CORO2B: variants seen among roughly 807,000 people sequenced by gnomAD.
CORO2B encodes coronin 2B.
A neutral mutation model predicts 58.8 loss-of-function variants in CORO2B; 26 were observed. That is an observed-to-expected ratio of 0.44 (90% CI 0.32 to 0.61). CORO2B has a LOEUF of 0.61. Ranked by LOEUF, CORO2B falls within the 20% of genes least tolerant of loss-of-function variation. The pLI is 0.04. For synonymous variants in CORO2B, 242 were observed against 253.8 expected, an observed-to-expected ratio of 0.95 and a Z score of 0.44; for missense variants, 460 against 645.1, an observed-to-expected ratio of 0.71 and a Z score of 3.11.
intron 1 of CORO2B, among the ~76,000 whole-genome samples, chr15:68,637,411 C>T (rs1230703538): frequency 6.6e-6 from 1 of 152,206 alleles, no homozygotes. Flanking sequence ...GATCAGCTCT[C>T]GCTCACGACC....
At chr15:68,545,750 G>A in the CORO2B span, among the ~76,000 whole-genome samples, 1 of 152,304 alleles carries the variant, frequency 6.6e-6, no homozygotes, top group East Asian at 1.9e-4. Context: ...ATGCTGTAGG[G>A]GGAAGAGCTG....
chr15:68,695,111 T>TTC lies in CORO2B; in HGVS notation c.217-15_217-14dup, dbSNP rs149581487. On this transcript the variant is annotated intron_variant, in intron 2 of 11. Coordinates refer to ENST00000261861, the MANE Select transcript of CORO2B (RefSeq NM_006091.5). ...CCCCAGGGCCATCAAACTAATCTCC[T>TTC]TCTCTCTCTCTCTCTTTCTCCTCTG... The TTC allele has an allele frequency of 5.5e-3, 8,372 of 1,514,956 alleles. 14 individuals are homozygous for TTC. Among genetic ancestry groups the TTC allele is most frequent in the Non-Finnish European group, 6.6e-3 (7,226 of 1,097,266 alleles). The allele number at this position is 1,514,956 out of a possible 1,614,324, so 93.8% of individuals were successfully genotyped here. A position where few individuals can be genotyped will look rare whatever the true frequency, so the allele number is the denominator to read the frequency against.
intron 11 of CORO2B, among the ~76,000 whole-genome samples, chr15:68,721,434 C>T (rs1033213845): frequency 6.6e-6 from 1 of 152,030 alleles, no homozygotes; most frequent in African/African-American, 2.4e-5. Context: ...GGCTGGGCGC[C>T]GTAGCTCATG....
At chr15:68,596,437 C>T (rs16952287) in intron 1 of CORO2B, among the ~76,000 whole-genome samples, 54,631 of 150,318 alleles carry the variant, frequency 0.36, 10,193 homozygotes, top group South Asian at 0.54. Context: ...CTAGGGGGAT[C>T]TTTCTGGCTG....
At chr15:68,695,090 AG>A in intron 2 of CORO2B, 49 bp from the exon 3 acceptor site, 2 of 1,442,754 alleles carry the variant, frequency 1.4e-6, no homozygotes, top group Non-Finnish European at 1.9e-6. Flanking sequence ...AGGCCACCCC[AG>A]GGCCATCAAA....
chr15:68,541,713 G>A, the CORO2B span, among the ~76,000 whole-genome samples: 2 of 152,190 alleles, frequency 1.3e-5, no homozygotes, highest in Non-Finnish European at 2.9e-5. Context: ...TACTGGCCCC[G>A]CATGAGCTTC....
intron 2 of CORO2B, among the ~76,000 whole-genome samples, chr15:68,654,402 G>A (rs1901737652): frequency 6.6e-6 from 1 of 152,238 alleles, no homozygotes; most frequent in Non-Finnish European, 1.5e-5. Context: ...ATTCCTTGCA[G>A]AGCCAGGGAG....
the CORO2B span, among the ~76,000 whole-genome samples, chr15:68,531,323 A>G: frequency 4.7e-5 from 2 of 42,564 alleles, no homozygotes; most frequent in Non-Finnish European, 8.8e-5. Flanking sequence ...TCAACTAAAA[A>G]TACAAAAATA....
At chr15:68,559,723 C>T in the CORO2B span, 56 of 827,394 alleles carry the variant, frequency 6.8e-5, no homozygotes, top group Middle Eastern at 1.8e-3. The surrounding 1 kb of genome is among the most constrained non-coding windows in gnomAD (Gnocchi z 4.3). Flanking sequence ...GGGGGACTGT[C>T]GGTGAGGCTG....
intron 3 of CORO2B, among the ~76,000 whole-genome samples, chr15:68,697,172 A>AGATGGATGGATGGATTGTTGGATG (rs1480739829): frequency 1.3e-5 from 2 of 150,350 alleles, no homozygotes; most frequent in South Asian, 2.1e-4. Context: ...TTGGATGGAT[A>AGATGGATGGATGGATTGTTGGATG]GATGGATGGA....
upstream of CORO2B, among the ~76,000 whole-genome samples, chr15:68,575,346 T>TA (rs1899259284): frequency 6.6e-6 from 1 of 151,532 alleles, no homozygotes; most frequent in South Asian, 2.1e-4. Flanking sequence ...CTTTTTCTTT[T>TA]TTTTTTTTTT....
the CORO2B span, among the ~76,000 whole-genome samples, chr15:68,541,270 A>G: frequency 6.6e-6 from 1 of 152,084 alleles, no homozygotes; most frequent in African/African-American, 2.4e-5. Context: ...GATCTATTTA[A>G]CATCTTATAA....
chr15:68,703,476 G>A (rs1032945541), intron 3 of CORO2B, among the ~76,000 whole-genome samples: 2 of 152,094 alleles, frequency 1.3e-5, no homozygotes, highest in African/African-American at 4.8e-5. Context: ...ATACTGTCCT[G>A]TTCTTCCCCA....
chr15:68,686,039 T>G (rs1232976057), intron 2 of CORO2B, among the ~76,000 whole-genome samples: 4 of 132,390 alleles, frequency 3.0e-5, no homozygotes, highest in Non-Finnish European at 6.7e-5. Context: ...TTTTTTTTTC[T>G]TTTTTTTTTT....
chr15:68,643,252 G>A (rs1328929856), intron 1 of CORO2B, among the ~76,000 whole-genome samples: 1 of 152,126 alleles, frequency 6.6e-6, no homozygotes, highest in Non-Finnish European at 1.5e-5. Flanking sequence ...CCAGTGCTTG[G>A]GGAAGGGAGA....
At chr15:68,562,956 G>A in the CORO2B span, among the ~76,000 whole-genome samples, 7 of 140,220 alleles carry the variant, frequency 5.0e-5, no homozygotes, top group Non-Finnish European at 9.1e-5. Context: ...CAGCCTGGGC[G>A]ACAGAGCAAG....
Position 68,648,695 on chromosome 15 carries a change from A to C in CORO2B, c.216+3335A>C, listed in dbSNP as rs569225805. Among the ~76,000 whole-genome samples, 29 of 152,356 alleles carry C rather than the reference A, an allele frequency of 1.9e-4. No individual in the cohort carries two copies. In the East Asian group the frequency reaches 5.6e-3, roughly 29 times the overall value. ...AAGAGAGAGAGAAAGGAAGAAAGGC[A>C]AAAGATATGAATAAGCAATTCACAG... On this transcript the variant is annotated intron_variant, in intron 2 of 11. Coordinates refer to ENST00000261861, the MANE Select transcript of CORO2B (RefSeq NM_006091.5).
At chr15:68,578,763 C>T (rs1899337309), upstream of CORO2B, among the ~76,000 whole-genome samples, 2 of 152,056 alleles carry the variant, frequency 1.3e-5, no homozygotes, top group Admixed American at 1.3e-4. The surrounding 1 kb of genome is among the most constrained non-coding windows in gnomAD (Gnocchi z 4.2). Context: ...CTCGCCCAGC[C>T]GCGTGGCGTC....
chr15:68,662,384 A>G lies in CORO2B; in HGVS notation c.216+17024A>G, dbSNP rs149444750. ...GTATTTTGAAAAGTGCAGGGTTTTCATGCCTGCTGGCATAACTCAGGAATA... is the reference window on the plus strand; with the variant it reads ...GTATTTTGAAAAGTGCAGGGTTTTCGTGCCTGCTGGCATAACTCAGGAATA... On this transcript the variant is annotated intron_variant, in intron 2 of 11. Transcript: ENST00000261861. Among the ~76,000 whole-genome samples, 308 of 152,368 alleles carry G rather than the reference A, an allele frequency of 2.0e-3. 3 individuals are homozygous for G. Among genetic ancestry groups the G allele is most frequent in the African/African-American group, 7.1e-3 (295 of 41,600 alleles).
Sources: allele counts gnomAD v4.1 joint callset (sites outside exome capture counted in the v4.1 genomes callset), GRCh38; gene constraint gnomAD v4.1.1; non-coding constraint Gnocchi (gnomAD v3.1); transcripts MANE v1.5; gene names NCBI Gene and HGNC (gene_info 2026-07-23, HGNC 2026-07-21).